RPS24: variants seen among roughly 807,000 people sequenced by gnomAD.
The protein encoded by RPS24 is small ribosomal subunit protein eS24.
For missense variants in RPS24, 100 were observed against 162.5 expected (o/e 0.62, Z 2.09); for synonymous variants, 72 against 55.6 (o/e 1.30, Z -1.31).
At chr10:78,035,768 C>T (rs1238113464) in intron 3 of RPS24, 48 bp downstream of exon 3, 1 of 1,466,988 alleles carries the variant, frequency 6.8e-7, no homozygotes, top group South Asian at 1.1e-5. Context: ...CCTATTTTTT[C>T]AATAGCGTTG....
At chr10:78,036,523 C>T (rs1197896625) in intron 3 of RPS24, 1 of 153,600 alleles carries the variant, frequency 6.5e-6, no homozygotes, top group African/African-American at 2.4e-5. Flanking sequence ...TCAGCCTGGT[C>T]TTGAACTCCT....
At chr10:78,038,597 T>A (rs1393865680) in intron 4 of RPS24, 2 of 152,010 alleles carry the variant, frequency 1.3e-5, no homozygotes, top group Non-Finnish European at 2.9e-5. Context: ...CATATAAAAG[T>A]CTTTGGTGGA....
chr10:78,054,385 C>T, intron 4 of RPS24: 1 of 761,234 alleles, frequency 1.3e-6, no homozygotes. Context: ...AGTGCCCTTC[C>T]TTCAAGCTTT....
downstream of RPS24, among the ~76,000 whole-genome samples, chr10:78,044,906 T>G (rs553762667): frequency 2.6e-5 from 4 of 151,916 alleles, no homozygotes; most frequent in African/African-American, 9.7e-5. Flanking sequence ...GGAAATACTT[T>G]GGCAACGCTC....
chr10:78,040,764 C>T, downstream of RPS24: 2 of 1,139,880 alleles, frequency 1.8e-6, no homozygotes, highest in Non-Finnish European at 2.6e-6. Context: ...CTGCTGATTT[C>T]AGTTGCTGTC....
At chr10:78,048,845 A>C (rs1848070700) in intron 4 of RPS24, 1 of 145,150 alleles carries the variant, frequency 6.9e-6, no homozygotes, top group Non-Finnish European at 1.5e-5. Flanking sequence ...ACTGCACTCC[A>C]GCCTGGGCGA....
chr10:78,053,219 A>C (rs1848118042), intron 4 of RPS24, among the ~76,000 whole-genome samples: 2 of 150,222 alleles, frequency 1.3e-5, no homozygotes. Flanking sequence ...AAAACCTCGG[A>C]GCTAATGGAA....
At chr10:78,040,176 C>G in intron 4 of RPS24, 28 bp from the exon 5 acceptor site, 1 of 1,610,414 alleles carries the variant, frequency 6.2e-7, no homozygotes, top group East Asian at 2.2e-5. Flanking sequence ...CCTCCTTTCT[C>G]TTTTTCCCTT....
chr10:78,045,890 T>C (rs1848038379), intron 4 of RPS24, among the ~76,000 whole-genome samples: 1 of 151,882 alleles, frequency 6.6e-6, no homozygotes, highest in Non-Finnish European at 1.5e-5. Context: ...TAATCTCAAT[T>C]ACTCAGGAGG....
rs373676356 is a variant in RPS24 at position 78,046,986 on chromosome 10, T to C, written c.391-7545T>C. ...TGTGGGTGGGGCCAGGTAACCTGTT[T>C]TTTTTTTTGAGTTGCCCAGGCTGGA... On this transcript the variant is annotated intron_variant, in intron 4 of 4. Coordinates refer to the RPS24 transcript ENST00000440692. Among the ~76,000 whole-genome samples the C allele has an allele frequency of 2.8e-4, 42 of 151,944 alleles. No homozygotes were observed. In the East Asian group the frequency reaches 4.5e-3, roughly 16 times the overall value.
At chr10:78,041,937 A>T (rs1488539141), downstream of RPS24, among the ~76,000 whole-genome samples, 4 of 152,146 alleles carry the variant, frequency 2.6e-5, no homozygotes, top group East Asian at 7.7e-4. Flanking sequence ...CTCAGGGCAG[A>T]AGTTGTAGTC....
At chr10:78,036,873 G>A (rs1305654945) in intron 3 of RPS24, among the ~76,000 whole-genome samples, 3 of 152,090 alleles carry the variant, frequency 2.0e-5, no homozygotes, top group East Asian at 3.9e-4. Flanking sequence ...CAGCCACTTC[G>A]GAGGTGCCTT....
intron 1 of RPS24, 117 bp from the exon 2 acceptor site, chr10:78,035,235 G>T: frequency 1.9e-6 from 2 of 1,027,030 alleles, no homozygotes; most frequent in South Asian, 1.3e-5. Context: ...ATTTACTTTA[G>T]TTCGCTACAT....
chr10:78,034,413 T>C (rs1847814173), intron 1 of RPS24: 1 of 181,480 alleles, frequency 5.5e-6, no homozygotes, highest in South Asian at 1.1e-4. Context: ...AAAGAGATGT[T>C]ATAAAAAGGT....
In RPS24 at chr10:78,033,864, T is replaced by C. The variant is rs748760054; in HGVS notation, c.-38T>C. 8 of 1,614,026 alleles carry C rather than the reference T, an allele frequency of 5.0e-6. No homozygotes were observed. Among genetic ancestry groups the C allele is most frequent in the Non-Finnish European group, 3.4e-6 (4 of 1,179,950 alleles). ...ATGATTGGCCGGCGAATCGTGGTTCTCTTTTCCTCCTTGGCTGTCTGAAGA... is the reference window on the plus strand; with the variant it reads ...ATGATTGGCCGGCGAATCGTGGTTCCCTTTTCCTCCTTGGCTGTCTGAAGA... On this transcript the variant is annotated 5_prime_UTR_variant, in exon 1 of 6. Transcript: ENST00000372360.
chr10:78,053,208 A>G (rs1848117891), intron 4 of RPS24, among the ~76,000 whole-genome samples: 1 of 152,040 alleles, frequency 6.6e-6, no homozygotes, highest in South Asian at 2.1e-4. Flanking sequence ...AAGAAAAGAA[A>G]AAAACCTCGG....
chr10:78,037,093 CTG>C (rs1847886213), intron 3 of RPS24, 99 bp from the exon 4 acceptor site: 1 of 1,436,882 alleles, frequency 7.0e-7, no homozygotes, highest in Non-Finnish European at 9.5e-7. Flanking sequence ...GTTTAGAAAG[CTG>C]TGTTTCTTAA....
At chr10:78,037,075 A>G in intron 3 of RPS24, 119 bp from the exon 4 acceptor site, 1 of 1,218,610 alleles carries the variant, frequency 8.2e-7, no homozygotes, top group Non-Finnish European at 1.2e-6. Context: ...TGTACTTGAA[A>G]AGTTTTGGTT....
intron 4 of RPS24, chr10:78,037,879 CAAAT>C (rs964849552): frequency 1.1e-6 from 1 of 934,378 alleles, no homozygotes; most frequent in Non-Finnish European, 1.4e-6. Flanking sequence ...GTTAAATTAA[CAAAT>C]AATCAAGTGT....
Sources: gnomAD v4.1 joint callset for allele counts (sites outside exome capture counted in the v4.1 genomes callset) on GRCh38, gnomAD v4.1.1 for gene constraint, MANE v1.5 for transcripts, NCBI Gene and HGNC (gene_info 2026-07-23, HGNC 2026-07-21) for gene names.